Variants in GUCY2F observed in about 807,000 individuals in gnomAD.
The protein encoded by GUCY2F is retinal guanylyl cyclase 2.
Under a neutral mutation model 73.1 loss-of-function variants are expected in GUCY2F, and 61 were observed. The observed-to-expected ratio is 0.83, with a 90% CI of 0.68 to 1.03. GUCY2F has a LOEUF of 1.03. Among genes scored for constraint, GUCY2F ranks in the 50% least tolerant of loss-of-function variants. GUCY2F has a pLI of 0.00. For missense variants in GUCY2F, 912 were observed against 854.3 expected (o/e 1.07, Z -0.84); for synonymous variants, 331 against 307.8 (o/e 1.08, Z -0.79).
intron 7 of GUCY2F, among the ~76,000 whole-genome samples, chrX:109,435,251 A>G (rs1358098465): frequency 2.7e-5 from 3 of 110,228 alleles, no homozygotes; most frequent in Admixed American, 9.6e-5. Context: ...GATTCTTCCT[A>G]TCCATGAGCA....
At chrX:109,383,737 G>A (rs568345203) in intron 16 of GUCY2F, among the ~76,000 whole-genome samples, 5 of 112,088 alleles carry the variant, frequency 4.5e-5, no homozygotes, top group African/African-American at 9.7e-5. Flanking sequence ...CATTTTCTTC[G>A]TTCTAGCTGA....
chrX:109,421,689 C>A lies in GUCY2F; in HGVS notation c.1791+8618G>T, dbSNP rs372339352. ...TATGTTTCACAACAATGTGAATATG[C>A]TTAACACTACTGAACTGTATACTTA... On this transcript the variant is annotated intron_variant, in intron 8 of 19. Transcript: ENST00000218006. Among the ~76,000 whole-genome samples, 58 of 111,461 alleles carry A rather than the reference C, an allele frequency of 5.2e-4. No individual in the cohort carries two copies. In the South Asian group the frequency reaches 0.021, roughly 40 times the overall value.
intron 14 of GUCY2F, among the ~76,000 whole-genome samples, chrX:109,391,445 AAGG>A (rs1179517841): frequency 9.0e-6 from 1 of 111,131 alleles, no homozygotes; most frequent in Non-Finnish European, 1.9e-5. Flanking sequence ...ACAGTACCTG[AAGG>A]AGGAGACCAA....
At chrX:109,446,017 A>G (rs1482535237) in intron 6 of GUCY2F, among the ~76,000 whole-genome samples, 3 of 112,028 alleles carry the variant, frequency 2.7e-5, no homozygotes, top group Admixed American at 9.5e-5. Flanking sequence ...GTGAACTCCC[A>G]TTCACAATTG....
At chrX:109,481,650 G>A (rs1364632414) in intron 1 of GUCY2F, among the ~76,000 whole-genome samples, 1 of 111,303 alleles carries the variant, frequency 9.0e-6, no homozygotes, top group Non-Finnish European at 1.9e-5. Flanking sequence ...CGAAAGCTTG[G>A]ATGAGAGCCT....
rs1196945520 is a variant in GUCY2F at position 109,392,184 on chromosome X, A to C, written c.2589-81T>G. The C allele has an allele frequency of 1.4e-5, 9 of 649,151 alleles. No individual in the cohort carries two copies. In the African/African-American group the frequency reaches 2.0e-4, roughly 14 times the overall value. The allele number at this position is 649,151 out of a possible 1,213,427, so 53.5% of individuals were successfully genotyped here. A position where few individuals can be genotyped will look rare whatever the true frequency, so the allele number is the denominator to read the frequency against. ...TACACCTGCTAAAAATACACCAAAT[A>C]AACCTCTAAAAATCACTGCTAATAA... On this transcript the variant is annotated intron_variant, in intron 13 of 19. Transcript: ENST00000218006.
intron 7 of GUCY2F, among the ~76,000 whole-genome samples, chrX:109,431,219 A>T (rs1034358284): frequency 4.5e-5 from 5 of 111,801 alleles, no homozygotes; most frequent in African/African-American, 1.6e-4. Flanking sequence ...TAAAAAAAAT[A>T]TCAATATAGA....
In GUCY2F at chrX:109,391,388, C is replaced by T. The variant is rs185821964; in HGVS notation, c.2781+523G>A. Among the ~76,000 whole-genome samples the T allele has an allele frequency of 2.2e-3, 245 of 111,094 alleles. 1 individual carries two copies. Among genetic ancestry groups the T allele is most frequent in the African/African-American group, 7.8e-3 (239 of 30,563 alleles). Reference sequence around the variant, plus strand: ...ACCCTGTAGCAATCCCAAAGAGCCTCGAGTCTAATATTTCCCTGCTATAAT... The same window carrying T: ...ACCCTGTAGCAATCCCAAAGAGCCTTGAGTCTAATATTTCCCTGCTATAAT... On this transcript the variant is annotated intron_variant, in intron 14 of 19. Transcript: ENST00000218006.
intron 2 of GUCY2F, among the ~76,000 whole-genome samples, chrX:109,470,043 A>G (rs1410559686): frequency 8.9e-6 from 1 of 112,057 alleles, no homozygotes; most frequent in African/African-American, 3.2e-5. Flanking sequence ...TATAACATTC[A>G]AAGACTATTC....
intron 10 of GUCY2F, among the ~76,000 whole-genome samples, chrX:109,402,403 C>T (rs1343201370): frequency 9.4e-6 from 1 of 106,233 alleles, no homozygotes; most frequent in Non-Finnish European, 1.9e-5. Context: ...GACAGAGTCT[C>T]GTTCTGTCAC....
At chrX:109,421,558 A>T (rs775755515) in intron 8 of GUCY2F, among the ~76,000 whole-genome samples, 85 of 111,556 alleles carry the variant, frequency 7.6e-4, no homozygotes, top group African/African-American at 2.6e-3. Context: ...GAACAGAAAG[A>T]GTGGTAGTTA....
chrX:109,398,367 A>G (rs1930758374), intron 11 of GUCY2F, among the ~76,000 whole-genome samples, 182 bp downstream of exon 11: 1 of 111,896 alleles, frequency 8.9e-6, no homozygotes, highest in Non-Finnish European at 1.9e-5. Context: ...TTGGGTGGCG[A>G]AATTTCTTCC....
At chrX:109,455,549 T>C (rs767988071) in intron 3 of GUCY2F, among the ~76,000 whole-genome samples, 3 of 111,708 alleles carry the variant, frequency 2.7e-5, no homozygotes, top group Non-Finnish European at 5.7e-5. Flanking sequence ...CCCTTCTGGC[T>C]CTGAACTCCT....
rs78701769 is a variant in GUCY2F, at chrX:109,388,528, G to T, written c.2917C>A (p.Pro973Thr). 226 of 1,204,283 alleles carry T rather than the reference G, an allele frequency of 1.9e-4. 1 individual carries two copies. The African/African-American group carries it at 3.6e-3, about 19-fold the overall frequency. ...ATTCGAATTCGGACCGGCACTTCTG[G>T]CATGTGCCGCATCTTGAAAGTGCCC... ...SVGTFKMRHM[P>T]EVPVRIRIGL... The change falls in exon 15 of 20, where the codon CCA (proline) becomes ACA (threonine). Residue 973 changes from proline to threonine, a missense_variant. Pro to Thr is a conservative substitution (Grantham distance 38). Coordinates refer to ENST00000218006, the MANE Select transcript of GUCY2F (RefSeq NM_001522.3).
chrX:109,453,980 C>T, intron 3 of GUCY2F, 121 bp from the exon 4 acceptor site: 1 of 380,369 alleles, frequency 2.6e-6, no homozygotes. Flanking sequence ...GCTATGAAGA[C>T]CCAGAGGAAA....
In GUCY2F at chrX:109,445,192, A is replaced by G. The variant is rs16985741; in HGVS notation, c.1569+2877T>C. ...GGACATAGAGGCACACCTTTAATGA[A>G]GATCACCAATTACATTACAATCACA... On this transcript the variant is annotated intron_variant, in intron 6 of 19. Coordinates refer to ENST00000218006, the MANE Select transcript of GUCY2F (RefSeq NM_001522.3). 9.9e-3 allele frequency among the ~76,000 whole-genome samples: 1,107 copies of G among 112,176 alleles called. 7 individuals are homozygous for G. The highest frequency in any genetic ancestry group is 0.034 in the African/African-American group (1,048 of 30,870).
intron 7 of GUCY2F, among the ~76,000 whole-genome samples, chrX:109,439,423 C>A (rs2147271912): frequency 8.9e-6 from 1 of 111,808 alleles, no homozygotes; most frequent in Admixed American, 9.5e-5. Context: ...CCATACCAAT[C>A]TCCTTATCAA....
intron 17 of GUCY2F, among the ~76,000 whole-genome samples, chrX:109,377,193 A>T (rs986245170): frequency 1.8e-5 from 2 of 111,792 alleles, no homozygotes; most frequent in Non-Finnish European, 3.8e-5. Context: ...AGCATTTTGC[A>T]AATATTTGAT....
chrX:109,441,232 C>A, intron 7 of GUCY2F, 119 bp downstream of exon 7: 1 of 408,863 alleles, frequency 2.4e-6, no homozygotes, highest in Non-Finnish European at 4.2e-6. Context: ...AACACAGACA[C>A]CAAACTGGAA....
Sources: gnomAD v4.1 joint callset for allele counts (sites outside exome capture counted in the v4.1 genomes callset) on GRCh38, gnomAD v4.1.1 for gene constraint, MANE v1.5 for transcripts, NCBI Gene and HGNC (gene_info 2026-07-23, HGNC 2026-07-21) for gene names.